Variants in AP1G1 observed in about 807,000 individuals in gnomAD.
The protein encoded by AP1G1 is AP-1 complex subunit gamma-1.
AP1G1 carries 7 observed loss-of-function variants against 108.3 expected under a neutral mutation model. The observed-to-expected ratio is 0.06, with a 90% confidence interval of 0.04 to 0.12. The LOEUF is 0.12. Ranked by LOEUF, AP1G1 falls within the 10% of genes least tolerant of loss-of-function variation. The pLI, the probability that AP1G1 is intolerant of heterozygous loss-of-function variation, is 1.00. For missense variants in AP1G1, 756 were observed against 1,010.7 expected, an observed-to-expected ratio of 0.75 and a Z score of 3.42; for synonymous variants, 379 against 353.5, an observed-to-expected ratio of 1.07 and a Z score of -0.81.
intron 15 of AP1G1, 40 bp from the exon 16 acceptor site, chr16:71,748,418 T>C: frequency 1.3e-6 from 2 of 1,597,790 alleles, no homozygotes; most frequent in Non-Finnish European, 1.7e-6. Context: ...GAAGAATGAG[T>C]AGCATGATTA....
intron 1 of AP1G1, among the ~76,000 whole-genome samples, chr16:71,803,920 T>C (rs2032901369): frequency 7.7e-6 from 1 of 129,044 alleles, no homozygotes; most frequent in Non-Finnish European, 1.6e-5. Flanking sequence ...GAGGACTCCG[T>C]CTCAAAAAAA....
At chr16:71,742,439 C>A (rs951454) in intron 19 of AP1G1, 2 of 151,988 alleles carry the variant, frequency 1.3e-5, no homozygotes, top group Admixed American at 1.3e-4. Flanking sequence ...TATGACTGTG[C>A]GGTTAAACAT....
rs55761928 is a variant in AP1G1, at chr16:71,794,835, C to CTTTTTTTTTTTTTTT, written c.-3-5368_-3-5354dup. On this transcript the variant is annotated intron_variant, in intron 1 of 22. Coordinates refer to ENST00000299980, the MANE Select transcript of AP1G1 (RefSeq NM_001128.6). Reference sequence around the variant, plus strand: ...TACCATTCTCAGGCCATGAGAAGTGCTTTTTTTTTTTTTTTTTTTTTTTTT... The same window carrying CTTTTTTTTTTTTTTT: ...TACCATTCTCAGGCCATGAGAAGTGCTTTTTTTTTTTTTTTTTTTTTTTTTTTTTTTTTTTTTTTT... 5.4e-3 allele frequency among the ~76,000 whole-genome samples: 216 copies of CTTTTTTTTTTTTTTT among 39,648 alleles called. 26 individuals carry two copies. Among genetic ancestry groups the CTTTTTTTTTTTTTTT allele is most frequent in the South Asian group, 9.8e-3 (7 of 716 alleles). 26.0% of individuals were successfully genotyped at this position (39,648 alleles called of 152,430 possible). A position where few individuals can be genotyped will look rare whatever the true frequency, so the allele number is the denominator to read the frequency against.
intron 1 of AP1G1, among the ~76,000 whole-genome samples, chr16:71,798,241 T>G (rs1397012082): frequency 6.6e-6 from 1 of 152,000 alleles, no homozygotes; most frequent in Non-Finnish European, 1.5e-5. Flanking sequence ...GGCCATGAGT[T>G]AGAAACCAGC....
At chr16:71,788,576 T>A (rs1291767662) in intron 2 of AP1G1, among the ~76,000 whole-genome samples, 1 of 152,000 alleles carries the variant, frequency 6.6e-6, no homozygotes, top group Non-Finnish European at 1.5e-5. Flanking sequence ...ACCACCTAAT[T>A]TCCTTAACTG....
chr16:71,754,143 G>A (rs535181822), intron 12 of AP1G1, among the ~76,000 whole-genome samples: 1 of 152,118 alleles, frequency 6.6e-6, no homozygotes, highest in South Asian at 2.1e-4. Flanking sequence ...GGAGGTTGAG[G>A]TAGGAGGATT....
chr16:71,739,421 C>A, intron 19 of AP1G1, 80 bp from the exon 20 acceptor site: 1 of 1,143,220 alleles, frequency 8.7e-7, no homozygotes. Flanking sequence ...AAAATTATTT[C>A]GGTCTCAGGT....
In AP1G1 at chr16:71,731,710, C is replaced by T. The variant is rs1221299207; in HGVS notation, c.*1348G>A. On this transcript the variant is annotated 3_prime_UTR_variant, in exon 23 of 23. Transcript: ENST00000299980. ...TTGGCACTCTCACTAGTTTAAAAAGCTCAAGTCTTTGATGTGAATATTCAT... is the reference window on the plus strand; with the variant it reads ...TTGGCACTCTCACTAGTTTAAAAAGTTCAAGTCTTTGATGTGAATATTCAT... 1 of 152,514 alleles carries T rather than the reference C, an allele frequency of 6.6e-6. No individual in the cohort carries two copies. The allele number at this position is 152,514 out of a possible 1,614,324, so 9.4% of individuals were successfully genotyped here.
In AP1G1 at chr16:71,773,252, A is replaced by C; in HGVS notation, c.437T>G (p.Leu146Arg). The C allele has an allele frequency of 6.2e-7, 1 of 1,613,736 alleles. No individual in the cohort carries two copies. The highest frequency in any genetic ancestry group is 8.5e-7 in the Non-Finnish European group (1 of 1,179,958). Residue 146 changes from leucine to arginine, a missense_variant, in exon 4 of 23, where the codon CTG becomes CGG. Leu to Arg is a moderately radical substitution (Grantham distance 102). Around this residue, in one of 3 missense-constraint regions of AP1G1, gnomAD observed 304 missense variants for 483.6 expected, o/e 0.63. Transcript: ENST00000299980. Reference protein sequence around the residue: ...RDLAGEVEKLLKTSNSYLRKK... With the variant: ...RDLAGEVEKLRKTSNSYLRKK... ...TCTTAAGTAAGAGTTGGAGGTTTTCAGGAGCTTCTCTACCTCTCCTGCAAG... is the reference window on the plus strand; with the variant it reads ...TCTTAAGTAAGAGTTGGAGGTTTTCCGGAGCTTCTCTACCTCTCCTGCAAG...
chr16:71,801,418 CGTGA>C (rs1177369565), intron 1 of AP1G1, among the ~76,000 whole-genome samples: 4 of 151,404 alleles, frequency 2.6e-5, no homozygotes, highest in Admixed American at 2.0e-4. Flanking sequence ...TGTACACTTA[CGTGA>C]GTATGTACAG....
At chr16:71,740,945 G>A (rs1186218614) in intron 19 of AP1G1, among the ~76,000 whole-genome samples, 4 of 152,152 alleles carry the variant, frequency 2.6e-5, no homozygotes, top group East Asian at 1.9e-4. Flanking sequence ...ACACACACAC[G>A]CACCCTGTGA....
chr16:71,768,917 C>CAAAAAAAAAA (rs58725744), intron 6 of AP1G1, among the ~76,000 whole-genome samples: 11 of 42,150 alleles, frequency 2.6e-4, no homozygotes, highest in Admixed American at 8.0e-4. Flanking sequence ...GACTCTGTCT[C>CAAAAAAAAAA]AAAAAAAAAA....
At chr16:71,761,433 G>A in intron 10 of AP1G1, 79 bp downstream of exon 10, 1 of 1,012,770 alleles carries the variant, frequency 9.9e-7, no homozygotes, top group Non-Finnish European at 1.6e-6. Context: ...CTTAATACAT[G>A]TATGATCTTG....
intron 1 of AP1G1, among the ~76,000 whole-genome samples, chr16:71,791,763 CTTTTTTTT>C (rs34099153): frequency 2.6e-5 from 3 of 113,368 alleles, no homozygotes; most frequent in Non-Finnish European, 5.1e-5. Flanking sequence ...TAAACTCTGA[CTTTTTTTT>C]TTTTTTTTTT....
chr16:71,799,150 A>C (rs1300921183), intron 1 of AP1G1, among the ~76,000 whole-genome samples: 1 of 152,200 alleles, frequency 6.6e-6, no homozygotes, highest in Non-Finnish European at 1.5e-5. Flanking sequence ...GTAAAAATTA[A>C]ACTATGTATT....
At chr16:71,757,664 G>A (rs1438293027) in intron 11 of AP1G1, among the ~76,000 whole-genome samples, 3 of 152,122 alleles carry the variant, frequency 2.0e-5, no homozygotes, top group Non-Finnish European at 4.4e-5. Flanking sequence ...TAAGTAATTT[G>A]ACCCAGTCTA....
chr16:71,762,083 A>T (rs1342665507), intron 9 of AP1G1, among the ~76,000 whole-genome samples: 1 of 152,068 alleles, frequency 6.6e-6, no homozygotes, highest in Non-Finnish European at 1.5e-5. Context: ...GGCACTACTG[A>T]TAACTGCAAA....
chr16:71,740,538 T>G (rs143600405), intron 19 of AP1G1, among the ~76,000 whole-genome samples: 4 of 152,178 alleles, frequency 2.6e-5, no homozygotes, highest in Non-Finnish European at 5.9e-5. Context: ...AACTGATATA[T>G]TGATATACTA....
intron 2 of AP1G1, among the ~76,000 whole-genome samples, chr16:71,777,231 G>C (rs533830436): frequency 6.6e-6 from 1 of 151,356 alleles, no homozygotes; most frequent in African/African-American, 2.4e-5. Flanking sequence ...GGGGATCTGA[G>C]GGAGATCCCA....
Sources: allele counts gnomAD v4.1 joint callset (sites outside exome capture counted in the v4.1 genomes callset), GRCh38; gene constraint gnomAD v4.1.1; regional missense constraint gnomAD v4.1.1; transcripts MANE v1.5; gene names NCBI Gene and HGNC (gene_info 2026-07-23, HGNC 2026-07-21).